Variants in SEMA5A observed in about 807,000 individuals in gnomAD.
The protein encoded by SEMA5A is semaphorin 5A.
SEMA5A carries 55 observed loss-of-function variants against 135.5 expected under a neutral mutation model. The ratio of observed to expected loss-of-function variants is 0.41; its 90% CI spans 0.33 to 0.51. The LOEUF (loss-of-function observed/expected upper bound fraction) is 0.51, where lower values mean the gene tolerates loss of function less well. Among genes scored for constraint, SEMA5A ranks in the 20% least tolerant of loss-of-function variants. SEMA5A has a pLI of 0.37. For missense variants in SEMA5A, 1,290 were observed against 1,419.9 expected, an observed-to-expected ratio of 0.91 and a Z score of 1.47; for synonymous variants, 580 against 546.5, an observed-to-expected ratio of 1.06 and a Z score of -0.85.
chr5:9,324,750 G>T (rs1752793055), intron 4 of SEMA5A, among the ~76,000 whole-genome samples: 1 of 152,206 alleles, frequency 6.6e-6, no homozygotes, highest in African/African-American at 2.4e-5. Flanking sequence ...GTCCTCCAAG[G>T]TATTACAGAA....
At chr5:9,063,841 C>T (rs1340916900) in intron 17 of SEMA5A, among the ~76,000 whole-genome samples, 1 of 152,166 alleles carries the variant, frequency 6.6e-6, no homozygotes, top group Non-Finnish European at 1.5e-5. Flanking sequence ...GCTTTGAGGA[C>T]ATATTGTGGG....
chr5:9,162,420 GTA>G (rs1302752535), intron 11 of SEMA5A, among the ~76,000 whole-genome samples: 3,229 of 146,390 alleles, frequency 0.022, 51 homozygotes, highest in African/African-American at 0.042. Flanking sequence ...ATATGTGTGT[GTA>G]TATATATGTA....
intron 1 of SEMA5A, among the ~76,000 whole-genome samples, chr5:9,465,411 G>T (rs12659136): frequency 6.6e-6 from 1 of 152,026 alleles, no homozygotes; most frequent in Non-Finnish European, 1.5e-5. Flanking sequence ...AAGACTTATC[G>T]TGTGCCAAGA....
At chr5:9,488,191 C>T (rs1257624006) in intron 1 of SEMA5A, among the ~76,000 whole-genome samples, 1 of 152,128 alleles carries the variant, frequency 6.6e-6, no homozygotes, top group Admixed American at 6.5e-5. Flanking sequence ...GCCTGTGAGG[C>T]TATTCAGTCC....
At chr5:9,094,480 A>G (rs1484702515) in intron 16 of SEMA5A, among the ~76,000 whole-genome samples, 1 of 152,264 alleles carries the variant, frequency 6.6e-6, no homozygotes, top group Non-Finnish European at 1.5e-5. Context: ...AAATAAACCA[A>G]TTAAATGAGC....
At chr5:9,190,499 A>T (rs1745048380) in intron 10 of SEMA5A, 28 bp from the exon 11 acceptor site, 3 of 1,607,848 alleles carry the variant, frequency 1.9e-6, no homozygotes, top group Non-Finnish European at 2.5e-6. Flanking sequence ...CCAGGTTACC[A>T]GAGCCGGCAG....
chr5:9,127,520 A>G (rs1741180990), intron 13 of SEMA5A, among the ~76,000 whole-genome samples: 1 of 152,074 alleles, frequency 6.6e-6, no homozygotes, highest in Non-Finnish European at 1.5e-5. Flanking sequence ...CCAAGAGCAT[A>G]TTTCTCTCTG....
chr5:9,204,725 C>T lies in SEMA5A; in HGVS notation c.647-2485G>A, dbSNP rs750604191. Among the ~76,000 whole-genome samples, 25 of 152,124 alleles carry T rather than the reference C, an allele frequency of 1.6e-4. No homozygotes were observed. Among genetic ancestry groups the T allele is most frequent in the Non-Finnish European group, 2.9e-4 (20 of 68,014 alleles). On this transcript the variant is annotated intron_variant, in intron 8 of 22. Transcript: ENST00000382496. This position sits in a 1 kb window ranked among gnomAD's most constrained non-coding sequence, Gnocchi z 6.4. ...CCTGAATCCATTAGACCGGGGGTCA[C>T]CAACCCCCAGGACATGGACCAGTAC... is the stretch of plus-strand genomic sequence containing the variant.
At chr5:9,225,828 G>A (rs924215758) in intron 7 of SEMA5A, among the ~76,000 whole-genome samples, 2 of 152,112 alleles carry the variant, frequency 1.3e-5, no homozygotes, top group Non-Finnish European at 2.9e-5. Flanking sequence ...TTGGGTACTG[G>A]TGGAATCTTT....
At chr5:9,477,691 T>C (rs1397196807) in intron 1 of SEMA5A, among the ~76,000 whole-genome samples, 1 of 152,156 alleles carries the variant, frequency 6.6e-6, no homozygotes, top group Non-Finnish European at 1.5e-5. Flanking sequence ...AACAAATTAC[T>C]CAAGATGTGA....
Position 9,122,725 on chromosome 5 carries a change from T to C in SEMA5A, c.1712A>G (p.Asp571Gly). The change falls in exon 14 of 23, where the codon GAC (aspartate) becomes GGC (glycine). Residue 571 changes from aspartate (D) to glycine (G), a missense_variant. Asp to Gly is a moderately conservative substitution (Grantham distance 94). Coordinates refer to ENST00000382496, the MANE Select transcript of SEMA5A (RefSeq NM_003966.3). ...GSCLCRTRSC[D>G]SPAPQCGGWQ... is the part of the protein sequence containing the mutation. ...GCCACCACACTGCGGGGCCGGGCTG[T>C]CGCAGGAGCGGGTTCGACAGAGGCA... 2 of 1,613,646 alleles carry C rather than the reference T, an allele frequency of 1.2e-6. No homozygotes were observed. The highest frequency in any genetic ancestry group is 1.7e-6 in the Non-Finnish European group (2 of 1,179,866).
intron 1 of SEMA5A, among the ~76,000 whole-genome samples, chr5:9,474,590 C>T (rs959265443): frequency 3.9e-5 from 6 of 152,228 alleles, no homozygotes; most frequent in South Asian, 2.1e-4. Flanking sequence ...ACACCCACCA[C>T]GTGCAAGGCA....
chr5:9,313,724 G>A (rs965804834), intron 5 of SEMA5A, among the ~76,000 whole-genome samples: 28 of 152,182 alleles, frequency 1.8e-4, no homozygotes, highest in African/African-American at 6.5e-4. Context: ...CACAGAATGG[G>A]TTACAAAGAG....
chr5:9,145,464 T>C (rs944278676), intron 12 of SEMA5A, among the ~76,000 whole-genome samples: 15 of 152,164 alleles, frequency 9.9e-5, no homozygotes, highest in African/African-American at 2.9e-4. Flanking sequence ...CACTGGACTA[T>C]GCAGCAAATA....
chr5:9,326,718 T>G (rs1001202326), intron 4 of SEMA5A, among the ~76,000 whole-genome samples: 1 of 152,066 alleles, frequency 6.6e-6, no homozygotes, highest in Non-Finnish European at 1.5e-5. Flanking sequence ...AAGGTGGAGG[T>G]TGCACTGAGC....
chr5:9,154,093 A>ATATATATATATATATATGTGTGTGTGTG (rs372321939), intron 12 of SEMA5A, among the ~76,000 whole-genome samples: 13 of 73,484 alleles, frequency 1.8e-4, no homozygotes, highest in Non-Finnish European at 2.0e-4. Context: ...ATATATATAT[A>ATATATATATATATATATGTGTGTGTGTG]TGTGTGTGTG....
chr5:9,163,417 G>T (rs1743406928), intron 11 of SEMA5A, among the ~76,000 whole-genome samples: 1 of 152,018 alleles, frequency 6.6e-6, no homozygotes, highest in Admixed American at 6.6e-5. Context: ...CATGTTTTTT[G>T]CTCTGGGGGA....
intron 3 of SEMA5A, among the ~76,000 whole-genome samples, chr5:9,340,069 A>C (rs541026449): frequency 6.6e-6 from 1 of 152,274 alleles, no homozygotes; most frequent in South Asian, 2.1e-4. Context: ...TTAGAGAAAG[A>C]TAGTAAATTC....
intron 3 of SEMA5A, among the ~76,000 whole-genome samples, chr5:9,338,954 G>A (rs574624186): frequency 9.2e-5 from 14 of 152,266 alleles, no homozygotes; most frequent in Middle Eastern, 3.4e-3. Flanking sequence ...TAACAGTTAC[G>A]AGGGGGAAGT....
Sources: allele counts gnomAD v4.1 joint callset (sites outside exome capture counted in the v4.1 genomes callset), GRCh38; gene constraint gnomAD v4.1.1; non-coding constraint Gnocchi (gnomAD v3.1); transcripts MANE v1.5; gene names NCBI Gene and HGNC (gene_info 2026-07-23, HGNC 2026-07-21).